The following VPS53 variants were observed in gnomAD, a reference collection of about 807,000 sequenced individuals.
VPS53 encodes the protein vacuolar protein sorting-associated protein 53 homolog.
In VPS53, 70 loss-of-function variants were observed where a neutral mutation model predicts 107.0. The observed-to-expected ratio is 0.65, with a 90% confidence interval of 0.54 to 0.80. VPS53 has a LOEUF of 0.80. Among genes scored for constraint, VPS53 ranks in the 30% least tolerant of loss-of-function variants. The probability of loss-of-function intolerance (pLI) is 0.00; values close to 1 mark genes in which losing one functional copy is unlikely to be tolerated. For synonymous variants in VPS53, 409 were observed against 393.3 expected (o/e 1.04, Z -0.47); for missense variants, 917 against 1,049.4 (o/e 0.87, Z 1.74).
At chr17:628,004 G>T in intron 9 of VPS53, 84 bp downstream of exon 9, 2 of 1,328,924 alleles carry the variant, frequency 1.5e-6, no homozygotes, top group Non-Finnish European at 2.1e-6. Flanking sequence ...CATGTAATAC[G>T]AGGTCTAAAT....
rs1909709192 is a variant in VPS53, at chr17:532,884, G to A, written c.2043C>T (p.His681=). The A allele has an allele frequency of 6.2e-7, 1 of 1,614,066 alleles. No homozygotes were observed. Among genetic ancestry groups the A allele is most frequent in the Non-Finnish European group, 8.5e-7 (1 of 1,179,960 alleles). The change falls in exon 19 of 22, where the codon CAC becomes CAT. Residue 681 remains histidine (H), a synonymous_variant. Transcript: ENST00000437048. Reference sequence around the variant, plus strand: ...TGCTAATTGGCTTGCACTTGAAGAGGTGGGTGATGAATTTGGGAATGAAGG... The same window carrying A: ...TGCTAATTGGCTTGCACTTGAAGAGATGGGTGATGAATTTGGGAATGAAGG... ...ANSFIPKFIT[H]LFKCKPISMV...
Position 519,782 on chromosome 17 carries a change from G to C in VPS53, c.2328+44C>G. On this transcript the variant is annotated intron_variant, in intron 21 of 21. Coordinates refer to ENST00000437048, the MANE Select transcript of VPS53 (RefSeq NM_001128159.3). This position sits in a 1 kb window ranked among gnomAD's most constrained non-coding sequence, Gnocchi z 5.0. The stretch of plus-strand genomic sequence containing the variant: ...AATTCCCGGTTAAGAACCGCTGAGT[G>C]TGAGGGGGATGAGCAGGTGTGGACC... The C allele has an allele frequency of 7.2e-7, 1 of 1,381,588 alleles. No homozygotes were observed. The highest frequency in any genetic ancestry group is 1.0e-6 in the Non-Finnish European group (1 of 992,328). 85.6% of individuals were successfully genotyped at this position (1,381,588 alleles called of 1,614,324 possible).
At chr17:620,557 C>T (rs1266052240) in intron 11 of VPS53, among the ~76,000 whole-genome samples, 1 of 152,182 alleles carries the variant, frequency 6.6e-6, no homozygotes, top group Non-Finnish European at 1.5e-5. Flanking sequence ...AGCACAGCGC[C>T]TACTTCCTAT....
In VPS53 at chr17:624,434, TCTCA is replaced by T. The variant is rs1292395612; in HGVS notation, c.975-764_975-761del. Among the ~76,000 whole-genome samples, 3 of 152,180 alleles carry T rather than the reference TCTCA, an allele frequency of 2.0e-5. 1 individual carries two copies. Among genetic ancestry groups the T allele is most frequent in the Non-Finnish European group, 1.5e-5 (1 of 68,032 alleles). On this transcript the variant is annotated intron_variant, in intron 10 of 21. Transcript: ENST00000437048. ...CCTGCCCGAGAAGCTCCTGTGCAGC[TCTCA>T]CTCAAACGTTCCATCTCAGAAGCTC...
chr17:642,395 T>C (rs968456357), intron 7 of VPS53, among the ~76,000 whole-genome samples: 11 of 148,714 alleles, frequency 7.4e-5, no homozygotes, highest in African/African-American at 2.5e-4. Flanking sequence ...ACACTCATAC[T>C]CGGAAACCGA....
At chr17:697,055 C>A (rs1427859312) in intron 4 of VPS53, among the ~76,000 whole-genome samples, 1 of 152,192 alleles carries the variant, frequency 6.6e-6, no homozygotes, top group Non-Finnish European at 1.5e-5. Context: ...AGGTTACTAT[C>A]TTTTACAGCC....
At chr17:619,954 G>A (rs1184362096) in intron 11 of VPS53, among the ~76,000 whole-genome samples, 1 of 151,518 alleles carries the variant, frequency 6.6e-6, no homozygotes, top group Non-Finnish European at 1.5e-5. Flanking sequence ...CCGGGTAGCT[G>A]GGACTACAGG....
rs1339809233 is a variant in VPS53, at chr17:703,435, C to A, written c.169-4055G>T. On this transcript the variant is annotated intron_variant, in intron 2 of 21. Coordinates refer to ENST00000437048, the MANE Select transcript of VPS53 (RefSeq NM_001128159.3). ...ACACCGGACAGCTATGACACACCCA[C>A]TCTCATCAGTTAGTTCAGTGTCTGG... is the stretch of plus-strand genomic sequence containing the variant. 9.8e-5 allele frequency among the ~76,000 whole-genome samples: 15 copies of A among 152,318 alleles called. No homozygotes were observed. The East Asian group carries it at 2.9e-3, about 29-fold the overall frequency.
At chr17:573,712 G>T (rs1391902474) in intron 13 of VPS53, among the ~76,000 whole-genome samples, 2 of 152,204 alleles carry the variant, frequency 1.3e-5, no homozygotes, top group African/African-American at 4.8e-5. Flanking sequence ...GGGCTAGCTA[G>T]GAGCATGCTC....
chr17:518,766 CAAAAAAA>C lies in VPS53; in HGVS notation c.*355_*361del, dbSNP rs11463565. 7 of 52,390 alleles carry C rather than the reference CAAAAAAA, an allele frequency of 1.3e-4. No individual in the cohort carries two copies. Among genetic ancestry groups the C allele is most frequent in the Non-Finnish European group, 2.6e-4 (6 of 22,976 alleles). 3.2% of individuals were successfully genotyped at this position (52,390 alleles called of 1,614,324 possible). ...TGGGTGACAGAGCGAGACTCTGTCT[CAAAAAAA>C]AAAAAAAAAAAAAAAAAAAAGGACG... On this transcript the variant is annotated 3_prime_UTR_variant, in exon 22 of 22. Coordinates refer to ENST00000437048, the MANE Select transcript of VPS53 (RefSeq NM_001128159.3).
Position 669,347 on chromosome 17 carries a change from C to T in VPS53, c.286-7452G>A, listed in dbSNP as rs77579773. 1.0e-2 allele frequency among the ~76,000 whole-genome samples: 1,519 copies of T among 152,150 alleles called. 26 individuals carry two copies. The highest frequency in any genetic ancestry group is 0.034 in the African/African-American group (1,414 of 41,514). On this transcript the variant is annotated intron_variant, in intron 4 of 21. Coordinates refer to ENST00000437048, the MANE Select transcript of VPS53 (RefSeq NM_001128159.3). ...GTAGCTCACACCTATAATCCCAGCACGCTGCAAGGCTGACGGTGGATTACT... is the reference window on the plus strand; with the variant it reads ...GTAGCTCACACCTATAATCCCAGCATGCTGCAAGGCTGACGGTGGATTACT...
At chr17:532,814 C>CAA in intron 19 of VPS53, 28 bp downstream of exon 19, 2 of 1,612,262 alleles carry the variant, frequency 1.2e-6, no homozygotes, top group Non-Finnish European at 1.7e-6. Context: ...AGCTGCCAGG[C>CAA]AAATGCCTGA....
intron 7 of VPS53, among the ~76,000 whole-genome samples, chr17:645,264 G>T (rs767877823): frequency 6.6e-6 from 1 of 152,162 alleles, no homozygotes; most frequent in Non-Finnish European, 1.5e-5. Flanking sequence ...ACGTCCTAAC[G>T]GGGGCATCTT....
intron 17 of VPS53, chr17:537,677 A>G (rs184350778): frequency 1.3e-5 from 2 of 153,314 alleles, no homozygotes; most frequent in Admixed American, 1.3e-4. Context: ...AAAACTAGAA[A>G]TGATATGACA....
chr17:678,559 T>A (rs1344288635), intron 4 of VPS53, among the ~76,000 whole-genome samples: 1 of 151,124 alleles, frequency 6.6e-6, no homozygotes, highest in African/African-American at 2.4e-5. Context: ...CTCTGCCTCC[T>A]GGGCTCCAGC....
chr17:560,594 C>T (rs1447824796), intron 14 of VPS53, 21 bp from the exon 15 acceptor site: 3 of 1,606,828 alleles, frequency 1.9e-6, no homozygotes, highest in African/African-American at 2.7e-5. Context: ...GGAACAGGAA[C>T]AAGTCAGCAT....
intron 13 of VPS53, among the ~76,000 whole-genome samples, chr17:582,133 T>C (rs1421061454): frequency 2.0e-5 from 3 of 150,272 alleles, no homozygotes; most frequent in African/African-American, 7.4e-5. Flanking sequence ...AACTAATGAG[T>C]TCCAGGAGAA....
Position 699,325 on chromosome 17 carries a change from A to C in VPS53, c.218+6T>G. The C allele has an allele frequency of 6.4e-7, 1 of 1,571,520 alleles. No homozygotes were observed. ...TAATTATGAACAATCACACAGCTTT[A>C]CTCACCTTATTTTCAGCCTAATTTT... On this transcript the variant is annotated splice_donor_region_variant and intron_variant, in intron 3 of 21. Coordinates refer to ENST00000437048, the MANE Select transcript of VPS53 (RefSeq NM_001128159.3).
intron 7 of VPS53, among the ~76,000 whole-genome samples, chr17:633,581 A>G (rs1416540258): frequency 1.3e-5 from 2 of 152,134 alleles, no homozygotes; most frequent in Non-Finnish European, 2.9e-5. Context: ...CGTGGTTACA[A>G]TTATACCTTA....
Sources: gnomAD v4.1 joint callset for allele counts (sites outside exome capture counted in the v4.1 genomes callset) on GRCh38, gnomAD v4.1.1 for gene constraint, Gnocchi (gnomAD v3.1) non-coding constraint, MANE v1.5 for transcripts, NCBI Gene and HGNC (gene_info 2026-07-23, HGNC 2026-07-21) for gene names.